The following NXPH1 variants were observed in gnomAD, a reference collection of about 807,000 sequenced individuals.
The protein encoded by NXPH1 is neurexophilin-1.
A neutral mutation model predicts 23.7 loss-of-function variants in NXPH1; 5 were observed. The ratio of observed to expected loss-of-function variants is 0.21; its 90% CI spans 0.11 to 0.44. The LOEUF (loss-of-function observed/expected upper bound fraction) is 0.44, where lower values mean the gene tolerates loss of function less well. Among genes scored for constraint, NXPH1 ranks in the 20% least tolerant of loss-of-function variants. The probability of loss-of-function intolerance (pLI) is 0.99; values close to 1 mark genes in which losing one functional copy is unlikely to be tolerated. For synonymous variants in NXPH1, 144 were observed against 122.2 expected (o/e 1.18, Z -1.18); for missense variants, 324 against 321.6 (o/e 1.01, Z -0.06).
intron 2 of NXPH1, among the ~76,000 whole-genome samples, chr7:8,740,878 C>T (rs1011986173): frequency 6.6e-6 from 1 of 152,112 alleles, no homozygotes; most frequent in African/African-American, 2.4e-5. Flanking sequence ...CATTACCTCA[C>T]ATAGTTACCA....
intron 2 of NXPH1, among the ~76,000 whole-genome samples, chr7:8,455,127 TTA>T (rs1167977272): frequency 6.6e-6 from 1 of 152,164 alleles, no homozygotes; most frequent in Non-Finnish European, 1.5e-5. Flanking sequence ...TGCCACGCCA[TTA>T]TTTTTTGTTA....
intron 2 of NXPH1, among the ~76,000 whole-genome samples, chr7:8,735,524 C>T (rs901568296): frequency 1.3e-5 from 2 of 152,166 alleles, no homozygotes; most frequent in East Asian, 3.8e-4. Context: ...GGATGTGCTG[C>T]TGCATTTGGT....
intron 2 of NXPH1, among the ~76,000 whole-genome samples, chr7:8,547,008 T>G (rs1197841337): frequency 1.3e-5 from 2 of 151,376 alleles, no homozygotes; most frequent in Non-Finnish European, 3.0e-5. Flanking sequence ...GTCAGCAAAT[T>G]GGGAAGTAGG....
chr7:8,725,794 A>T (rs1037418077), intron 2 of NXPH1, among the ~76,000 whole-genome samples: 4 of 147,446 alleles, frequency 2.7e-5, no homozygotes, highest in African/African-American at 7.5e-5. Flanking sequence ...TATTTCCAGG[A>T]TCTTTACCTA....
chr7:8,579,039 AG>A (rs1818811793), intron 2 of NXPH1, among the ~76,000 whole-genome samples: 1 of 152,232 alleles, frequency 6.6e-6, no homozygotes, highest in Non-Finnish European at 1.5e-5. Context: ...GGCAGAGGCC[AG>A]GTACTCATCA....
At chr7:8,625,139 A>C (rs764939727) in intron 2 of NXPH1, among the ~76,000 whole-genome samples, 1 of 152,110 alleles carries the variant, frequency 6.6e-6, no homozygotes, top group South Asian at 2.1e-4. Flanking sequence ...GAATTATCCT[A>C]TTCTTTTTTT....
At chr7:8,614,951 G>T (rs1471477064) in intron 2 of NXPH1, among the ~76,000 whole-genome samples, 1 of 152,028 alleles carries the variant, frequency 6.6e-6, no homozygotes, top group Admixed American at 6.6e-5. Flanking sequence ...TTTAAATGGT[G>T]TTTGAGATTA....
At chr7:8,739,468 G>T (rs1167636076) in intron 2 of NXPH1, among the ~76,000 whole-genome samples, 1 of 152,032 alleles carries the variant, frequency 6.6e-6, no homozygotes, top group African/African-American at 2.4e-5. Context: ...TGCCTTCCAT[G>T]GGCTGCACGC....
chr7:8,555,721 T>A (rs1818346707), intron 2 of NXPH1, among the ~76,000 whole-genome samples: 1 of 151,754 alleles, frequency 6.6e-6, no homozygotes, highest in African/African-American at 2.4e-5. Context: ...TCACAGATCT[T>A]GGCTATAACT....
rs1216182057 is a variant in NXPH1, at chr7:8,674,633, G to T, written c.55-76375G>T. 4.6e-5 allele frequency among the ~76,000 whole-genome samples: 7 copies of T among 152,134 alleles called. No homozygotes were observed. The South Asian group carries it at 1.2e-3, about 27-fold the overall frequency. ...GCATTTACAAAAGTAGAAGGCCAGA[G>T]ATAAGCATGGAAGATGCTGATCAAT... is the stretch of plus-strand genomic sequence containing the variant. On this transcript the variant is annotated intron_variant, in intron 2 of 2. Coordinates refer to ENST00000405863, the MANE Select transcript of NXPH1 (RefSeq NM_152745.3).
intron 2 of NXPH1, among the ~76,000 whole-genome samples, chr7:8,562,529 C>G (rs1474105824): frequency 7.0e-6 from 1 of 143,290 alleles, no homozygotes; most frequent in African/African-American, 2.6e-5. Flanking sequence ...TTTTTTTGTT[C>G]TTTTCTTTTC....
At chr7:8,595,549 T>C (rs1819203674) in intron 2 of NXPH1, among the ~76,000 whole-genome samples, 1 of 152,132 alleles carries the variant, frequency 6.6e-6, no homozygotes, top group South Asian at 2.1e-4. Context: ...GAATTAGTCA[T>C]TGGATACATA....
chr7:8,692,422 T>C (rs527670156), intron 2 of NXPH1, among the ~76,000 whole-genome samples: 1 of 152,288 alleles, frequency 6.6e-6, no homozygotes, highest in Non-Finnish European at 1.5e-5. Context: ...GGTCAAGTTT[T>C]GCTTTGTTGG....
At chr7:8,592,816 G>A (rs1350582726) in intron 2 of NXPH1, among the ~76,000 whole-genome samples, 2 of 147,372 alleles carry the variant, frequency 1.4e-5, no homozygotes, top group Admixed American at 6.8e-5. Flanking sequence ...TTCACATATT[G>A]TGAAATAGTC....
intron 2 of NXPH1, among the ~76,000 whole-genome samples, chr7:8,585,131 C>G (rs1349374973): frequency 6.6e-6 from 1 of 152,124 alleles, no homozygotes; most frequent in South Asian, 2.1e-4. Context: ...ATTTGGGGGA[C>G]TTTCTCTAAA....
chr7:8,441,996 G>C lies in NXPH1; in HGVS notation c.54+6229G>C, dbSNP rs368663413. 1.9e-3 allele frequency among the ~76,000 whole-genome samples: 288 copies of C among 152,234 alleles called. 1 individual carries two copies. Among genetic ancestry groups the C allele is most frequent in the African/African-American group, 6.5e-3 (269 of 41,536 alleles). ...CCCTCTGTTGCCGAAAGTTCCTTAG[G>C]CGTCTAGTCAGGGGTTCGGGGTGGT... On this transcript the variant is annotated intron_variant, in intron 2 of 2. Coordinates refer to ENST00000405863, the MANE Select transcript of NXPH1 (RefSeq NM_152745.3).
At chr7:8,667,793 C>T (rs1198819288) in intron 2 of NXPH1, among the ~76,000 whole-genome samples, 1 of 152,048 alleles carries the variant, frequency 6.6e-6, no homozygotes, top group Non-Finnish European at 1.5e-5. Context: ...TCTCTCTCTT[C>T]TTCTTCTTGA....
At chr7:8,693,823 G>C (rs1372041551) in intron 2 of NXPH1, among the ~76,000 whole-genome samples, 2 of 151,998 alleles carry the variant, frequency 1.3e-5, no homozygotes, top group African/African-American at 4.8e-5. Context: ...TTTCTCCTGG[G>C]ATCTCTGCAT....
At chr7:8,657,083 T>C (rs1292635564) in intron 2 of NXPH1, among the ~76,000 whole-genome samples, 5 of 152,238 alleles carry the variant, frequency 3.3e-5, no homozygotes, top group Non-Finnish European at 7.3e-5. Context: ...TGTTATAGGA[T>C]ATACAGTTTT....
Sources: gnomAD v4.1 joint callset for allele counts (sites outside exome capture counted in the v4.1 genomes callset) on GRCh38, gnomAD v4.1.1 for gene constraint, MANE v1.5 for transcripts, NCBI Gene and HGNC (gene_info 2026-07-23, HGNC 2026-07-21) for gene names.